SLCO3A1: variants seen among roughly 807,000 people sequenced by gnomAD.
SLCO3A1 encodes solute carrier organic anion transporter family member 3A1, also known as PGE1 transporter.
A neutral mutation model predicts 63.1 loss-of-function variants in SLCO3A1; 27 were observed. The ratio of observed to expected loss-of-function variants is 0.43; its 90% CI spans 0.32 to 0.59. The LOEUF is 0.59. SLCO3A1 is among the 20% of genes least tolerant of loss of function. SLCO3A1 has a pLI of 0.09. For missense variants in SLCO3A1, 773 were observed against 945.8 expected (o/e 0.82, Z 2.40); for synonymous variants, 473 against 409.9 (o/e 1.15, Z -1.86).
In SLCO3A1 at chr15:91,942,626, C is replaced by T. The variant is rs1466347578; in HGVS notation, c.646+26168C>T. Among the ~76,000 whole-genome samples the T allele has an allele frequency of 6.6e-6, 1 of 152,204 alleles. No individual in the cohort carries two copies. Among genetic ancestry groups the T allele is most frequent in the Non-Finnish European group, 1.5e-5 (1 of 68,020 alleles). On this transcript the variant is annotated intron_variant, in intron 2 of 9. Transcript: ENST00000318445. This position sits in a 1 kb window ranked among gnomAD's most constrained non-coding sequence, Gnocchi z 4.1. ...CGAGACCGAGTCTTGCTCTGTCGAC[C>T]AGGCTGGATTGCAGTGGCCCAATCT...
chr15:91,926,596 T>TGTGTGTGCGC, intron 2 of SLCO3A1, among the ~76,000 whole-genome samples: 3,209 of 105,164 alleles, frequency 0.031, 48 homozygotes, highest in Middle Eastern at 0.045. Context: ...TGTGTGTGTG[T>TGTGTGTGCGC]GCGCGCGCGC....
chr15:91,916,539 T>C lies in SLCO3A1; in HGVS notation c.646+81T>C. ...AAAGGTGGCCTGGTGGACTTTGATT[T>C]TGCCAGAGTACTGGTTCTCAGACTT... is the stretch of plus-strand genomic sequence containing the variant. On this transcript the variant is annotated intron_variant, in intron 2 of 9. Coordinates refer to ENST00000318445, the MANE Select transcript of SLCO3A1 (RefSeq NM_013272.4). This position sits in a 1 kb window ranked among gnomAD's most constrained non-coding sequence, Gnocchi z 6.2. 9.2e-7 allele frequency: 1 copy of C among 1,082,608 alleles called. No individual in the cohort carries two copies. Among genetic ancestry groups the C allele is most frequent in the Non-Finnish European group, 1.3e-6 (1 of 753,814 alleles). The allele number at this position is 1,082,608 out of a possible 1,614,324, so 67.1% of individuals were successfully genotyped here. A position where few individuals can be genotyped will look rare whatever the true frequency, so the allele number is the denominator to read the frequency against.
intron 2 of SLCO3A1, among the ~76,000 whole-genome samples, chr15:92,034,577 G>T (rs1485782813): frequency 1.3e-5 from 2 of 151,748 alleles, no homozygotes; most frequent in African/African-American, 4.8e-5. Flanking sequence ...ACCTGGCCCA[G>T]AGACCAGGGG....
rs1477955236 is a variant in SLCO3A1, at chr15:91,859,993, C to T, written c.180+5905C>T. On this transcript the variant is annotated intron_variant, in intron 1 of 9. Transcript: ENST00000318445. This position sits in a 1 kb window ranked among gnomAD's most constrained non-coding sequence, Gnocchi z 5.1. ...CAAGTAATAAGCTAAATATCAGTTG[C>T]TAATTCTGTTTATTCCCTTATAAAT... Among the ~76,000 whole-genome samples, 2 of 152,136 alleles carry T rather than the reference C, an allele frequency of 1.3e-5. No homozygotes were observed. The highest frequency in any genetic ancestry group is 6.5e-5 in the Admixed American group (1 of 15,280).
In SLCO3A1 at chr15:92,098,670, A is replaced by G. The variant is rs191058685; in HGVS notation, c.745+3691A>G. On this transcript the variant is annotated intron_variant, in intron 3 of 9. Transcript: ENST00000318445. ...GATTGCCTCATTGGAGCCTCAGCAC[A>G]TTCTCATGGGAGTGTAGATCCTACT... Among the ~76,000 whole-genome samples, 31 of 152,302 alleles carry G rather than the reference A, an allele frequency of 2.0e-4. 1 individual carries two copies. The highest frequency in any genetic ancestry group is 2.0e-3 in the Admixed American group (30 of 15,302).
At chr15:91,869,776 G>C (rs1897247216) in intron 1 of SLCO3A1, among the ~76,000 whole-genome samples, 1 of 152,040 alleles carries the variant, frequency 6.6e-6, no homozygotes, top group African/African-American at 2.4e-5. Flanking sequence ...ATCATCTTGG[G>C]GGTTGTGTGG....
At chr15:92,004,568 A>G (rs867753635) in intron 2 of SLCO3A1, among the ~76,000 whole-genome samples, 2 of 152,346 alleles carry the variant, frequency 1.3e-5, no homozygotes, top group South Asian at 4.1e-4. Flanking sequence ...ATTGACAAAC[A>G]GAACACCAAA....
intron 2 of SLCO3A1, among the ~76,000 whole-genome samples, chr15:92,015,874 G>A (rs1364896340): frequency 6.6e-6 from 1 of 152,160 alleles, no homozygotes; most frequent in Non-Finnish European, 1.5e-5. Flanking sequence ...ACTGGTGAAG[G>A]CAGGAGCTGA....
intron 2 of SLCO3A1, among the ~76,000 whole-genome samples, chr15:91,983,724 A>C (rs944130828): frequency 6.6e-6 from 1 of 152,210 alleles, no homozygotes. Context: ...CAATAAAATC[A>C]TGTTGATCGG....
intron 2 of SLCO3A1, among the ~76,000 whole-genome samples, chr15:92,053,692 G>GTTTTT (rs1491517930): frequency 3.5e-5 from 1 of 28,934 alleles, no homozygotes; most frequent in African/African-American, 7.0e-5. Context: ...TTGTTTGTTT[G>GTTTTT]TTTGTTTTTT....
chr15:91,870,285 A>G (rs1897255356), intron 1 of SLCO3A1, among the ~76,000 whole-genome samples: 2 of 152,248 alleles, frequency 1.3e-5, no homozygotes. Flanking sequence ...TGTTCTAAAA[A>G]TAGCAGTAAG....
At chr15:92,035,809 C>T (rs1473453970) in intron 2 of SLCO3A1, among the ~76,000 whole-genome samples, 1 of 151,770 alleles carries the variant, frequency 6.6e-6, no homozygotes. Flanking sequence ...GGGATGCAGC[C>T]CAGTGCTGTT....
At chr15:92,149,067 AAAAATGACTAGTCTCTTATT>A (rs1437592993) in intron 8 of SLCO3A1, 1 of 152,398 alleles carries the variant, frequency 6.6e-6, no homozygotes, top group African/African-American at 2.4e-5. Flanking sequence ...GAGAAGCATG[AAAAATGACTAGTCTCTTATT>A]AGCTTGCCCC....
intron 1 of SLCO3A1, among the ~76,000 whole-genome samples, chr15:91,891,624 A>G (rs1897872964): frequency 6.6e-6 from 1 of 152,174 alleles, no homozygotes; most frequent in African/African-American, 2.4e-5. Context: ...TTCAATCTCT[A>G]CATATACAAA....
At chr15:91,898,541 C>T (rs1898066948) in intron 1 of SLCO3A1, among the ~76,000 whole-genome samples, 1 of 152,188 alleles carries the variant, frequency 6.6e-6, no homozygotes, top group Admixed American at 6.5e-5. Flanking sequence ...CACTCCCTTC[C>T]TCATTTCCAG....
chr15:92,020,494 G>T (rs2046495635), intron 2 of SLCO3A1, among the ~76,000 whole-genome samples: 1 of 152,190 alleles, frequency 6.6e-6, no homozygotes, highest in Non-Finnish European at 1.5e-5. Flanking sequence ...CAGGTTTTTG[G>T]GCTAACTAGC....
At position 91,897,056 on chromosome 15, in the gene SLCO3A1, G is replaced by T. The variant is rs571184846; in HGVS notation, c.181-18937G>T. 6.6e-6 allele frequency among the ~76,000 whole-genome samples: 1 copy of T among 152,180 alleles called. No individual in the cohort carries two copies. The highest frequency in any genetic ancestry group is 1.5e-5 in the Non-Finnish European group (1 of 68,042). On this transcript the variant is annotated intron_variant, in intron 1 of 9. Coordinates refer to ENST00000318445, the MANE Select transcript of SLCO3A1 (RefSeq NM_013272.4). This position sits in a 1 kb window ranked among gnomAD's most constrained non-coding sequence, Gnocchi z 4.7. ...TCTTTAGTTGCCTCTAGAAAATGGAGATGATAATGCCATTTTAGCAGCTGG... is the reference window on the plus strand; with the variant it reads ...TCTTTAGTTGCCTCTAGAAAATGGATATGATAATGCCATTTTAGCAGCTGG...
chr15:91,896,562 T>C (rs58064061), intron 1 of SLCO3A1, among the ~76,000 whole-genome samples: 19,727 of 152,170 alleles, frequency 0.13, 1,490 homozygotes, highest in East Asian at 0.34. Context: ...TGAATAAGTC[T>C]CATGAGATCT....
At chr15:92,139,774 G>T (rs1022187812) in intron 7 of SLCO3A1, among the ~76,000 whole-genome samples, 36 of 151,700 alleles carry the variant, frequency 2.4e-4, no homozygotes, top group Non-Finnish European at 4.3e-4. Context: ...AGAGGTGTTT[G>T]TAGTATTCTC....
Sources: gnomAD v4.1 joint callset for allele counts (sites outside exome capture counted in the v4.1 genomes callset) on GRCh38, gnomAD v4.1.1 for gene constraint, Gnocchi (gnomAD v3.1) non-coding constraint, MANE v1.5 for transcripts, NCBI Gene and HGNC (gene_info 2026-07-23, HGNC 2026-07-21) for gene names.